The following CDK14 variants were observed in gnomAD, a reference collection of about 807,000 sequenced individuals.
The protein encoded by CDK14 is cyclin dependent kinase 14, also known as cyclin-dependent kinase 14.
A neutral mutation model predicts 60.7 loss-of-function variants in CDK14; 34 were observed. The ratio of observed to expected loss-of-function variants is 0.56; its 90% confidence interval spans 0.43 to 0.75. The LOEUF is 0.75. CDK14 is among the 30% of genes least tolerant of loss of function. CDK14 has a pLI of 0.00. For missense variants in CDK14, 482 were observed against 564.1 expected (o/e 0.85, Z 1.47); for synonymous variants, 197 against 203.7 (o/e 0.97, Z 0.28).
At chr7:91,016,399 A>G (rs1467859388) in intron 10 of CDK14, among the ~76,000 whole-genome samples, 1 of 152,130 alleles carries the variant, frequency 6.6e-6, no homozygotes, top group Non-Finnish European at 1.5e-5. Flanking sequence ...GCTCTCATAT[A>G]TTGATGAAAA....
chr7:90,714,627 C>T (rs115721453), intron 2 of CDK14, among the ~76,000 whole-genome samples: 322 of 152,158 alleles, frequency 2.1e-3, no homozygotes, highest in African/African-American at 7.5e-3. Context: ...TTCATAAGCT[C>T]TGTGTGGTTA....
chr7:90,686,416 T>C (rs528493706), intron 2 of CDK14, among the ~76,000 whole-genome samples: 2 of 152,302 alleles, frequency 1.3e-5, no homozygotes, highest in African/African-American at 4.8e-5. Context: ...GACTTTTTGA[T>C]GAAAATGTCA....
At chr7:90,795,773 G>A (rs1277667839) in intron 5 of CDK14, among the ~76,000 whole-genome samples, 2 of 152,138 alleles carry the variant, frequency 1.3e-5, no homozygotes, top group Admixed American at 6.6e-5. Context: ...AAACTGGCCA[G>A]CAGGCAGGAT....
chr7:90,906,361 G>A (rs1157773625), intron 7 of CDK14, among the ~76,000 whole-genome samples: 1 of 152,010 alleles, frequency 6.6e-6, no homozygotes, highest in Non-Finnish European at 1.5e-5. Context: ...GGTGAGATAA[G>A]CTATTGTCTT....
chr7:90,938,575 T>C (rs1328785753), intron 8 of CDK14, among the ~76,000 whole-genome samples: 8 of 152,112 alleles, frequency 5.3e-5, no homozygotes, highest in Non-Finnish European at 1.0e-4. Flanking sequence ...AAGTCAATAA[T>C]TTTTTTTAAA....
At chr7:90,986,898 A>G (rs900642909) in intron 10 of CDK14, among the ~76,000 whole-genome samples, 1 of 151,970 alleles carries the variant, frequency 6.6e-6, no homozygotes, top group Non-Finnish European at 1.5e-5. Flanking sequence ...TTATGGTAGA[A>G]TTATTACTGT....
chr7:91,078,962 G>A (rs545327689), intron 11 of CDK14, among the ~76,000 whole-genome samples: 2 of 152,178 alleles, frequency 1.3e-5, no homozygotes, highest in South Asian at 4.2e-4. Flanking sequence ...TACGGTATAG[G>A]ACCCTGGTAG....
intron 14 of CDK14, among the ~76,000 whole-genome samples, chr7:91,193,749 A>G (rs1257120970): frequency 6.6e-6 from 1 of 152,064 alleles, no homozygotes; most frequent in East Asian, 1.9e-4. Context: ...TATACAGTAT[A>G]TACAGTACTA....
chr7:90,787,014 G>C (rs987673078), intron 4 of CDK14, among the ~76,000 whole-genome samples: 1 of 151,166 alleles, frequency 6.6e-6, no homozygotes, highest in Non-Finnish European at 1.5e-5. Context: ...TTCCACAGCT[G>C]TCTTTTCTAA....
intron 5 of CDK14, among the ~76,000 whole-genome samples, chr7:90,841,411 C>T (rs62468469): frequency 0.084 from 12,813 of 151,746 alleles, 611 homozygotes; most frequent in South Asian, 0.11. Context: ...TGGGAACCCT[C>T]TGAACTTTCT....
intron 10 of CDK14, among the ~76,000 whole-genome samples, chr7:91,020,814 T>C (rs1292356795): frequency 6.6e-6 from 1 of 152,204 alleles, no homozygotes; most frequent in African/African-American, 2.4e-5. Context: ...AGGCATAGCT[T>C]AGCCAAGTCC....
intron 6 of CDK14, among the ~76,000 whole-genome samples, chr7:90,868,295 A>G (rs1791251547): frequency 6.9e-6 from 1 of 145,928 alleles, no homozygotes; most frequent in Admixed American, 6.9e-5. Context: ...TACACACTAT[A>G]TATATATACA....
At chr7:90,646,821 G>C (rs1006022047) in intron 2 of CDK14, among the ~76,000 whole-genome samples, 2 of 152,082 alleles carry the variant, frequency 1.3e-5, no homozygotes, top group African/African-American at 4.8e-5. Flanking sequence ...TGAACATTTA[G>C]GTTGTTTATT....
At chr7:90,998,368 A>G (rs911411915) in intron 10 of CDK14, among the ~76,000 whole-genome samples, 15 of 152,254 alleles carry the variant, frequency 9.9e-5, no homozygotes, top group Admixed American at 6.5e-4. Context: ...GAATAAAAAC[A>G]GAATACTGTC....
At chr7:90,968,244 G>A (rs923978374) in intron 9 of CDK14, among the ~76,000 whole-genome samples, 10 of 152,206 alleles carry the variant, frequency 6.6e-5, no homozygotes, top group Admixed American at 2.6e-4. Flanking sequence ...TGTATCCTTA[G>A]ATTCCTGTTG....
At position 91,079,437 on chromosome 7, in the gene CDK14, T is replaced by C. The variant is rs1798418527; in HGVS notation, c.1111T>C (p.Phe371Leu). ...HSLPHFKPER[F>L]TLYSSKNLRQ... ...ATTTTTCTTTTTTATTTCAGAACGC[T>C]TTACCCTGTACAGCTCTAAAAACCT... The change falls in exon 12 of 15, where the codon TTT (phenylalanine) becomes CTT (leucine). Residue 371 changes from phenylalanine (F) to leucine (L), a missense_variant. Coordinates refer to ENST00000380050, the MANE Select transcript of CDK14 (RefSeq NM_001287135.2). The C allele has an allele frequency of 1.3e-6, 2 of 1,592,034 alleles. No homozygotes were observed. Among genetic ancestry groups the C allele is most frequent in the Middle Eastern group, 1.7e-4 (1 of 6,020 alleles).
At chr7:91,016,996 G>A (rs1796317912) in intron 10 of CDK14, among the ~76,000 whole-genome samples, 1 of 152,196 alleles carries the variant, frequency 6.6e-6, no homozygotes, top group South Asian at 2.1e-4. Context: ...GAAGAAGGCA[G>A]GCAAAATTCC....
intron 5 of CDK14, among the ~76,000 whole-genome samples, chr7:90,799,432 A>T (rs1171300749): frequency 6.6e-6 from 1 of 152,112 alleles, no homozygotes; most frequent in African/African-American, 2.4e-5. Flanking sequence ...TCACACCTGT[A>T]ATCCCAGTAC....
chr7:90,716,347 G>A (rs997943840), intron 2 of CDK14: 1 of 151,980 alleles, frequency 6.6e-6, no homozygotes, highest in Non-Finnish European at 1.5e-5. Context: ...TAGATCCTGA[G>A]GTGACTTCCT....
Sources: gnomAD v4.1 joint callset for allele counts (sites outside exome capture counted in the v4.1 genomes callset) on GRCh38, gnomAD v4.1.1 for gene constraint, MANE v1.5 for transcripts, NCBI Gene and HGNC (gene_info 2026-07-23, HGNC 2026-07-21) for gene names.